The following RYR2 variants were observed in gnomAD, a reference collection of about 807,000 sequenced individuals.
RYR2 encodes the protein ryanodine receptor 2, also known as cardiac muscle ryanodine receptor-calcium release channel.
RYR2 carries 227 observed loss-of-function variants against 601.1 expected under a neutral mutation model. The observed-to-expected ratio is 0.38, with a 90% CI of 0.34 to 0.42. RYR2 has a LOEUF of 0.42. Among genes scored for constraint, RYR2 ranks in the 10% least tolerant of loss-of-function variants. The probability of loss-of-function intolerance (pLI) is 1.00; values close to 1 mark genes in which losing one functional copy is unlikely to be tolerated. For synonymous variants in RYR2, 2,223 were observed against 2,175.1 expected, an observed-to-expected ratio of 1.02 and a Z score of -0.61; for missense variants, 4,646 against 6,156.5, an observed-to-expected ratio of 0.75 and a Z score of 8.21.
intron 79 of RYR2, among the ~76,000 whole-genome samples, chr1:237,737,965 T>A (rs1385972439): frequency 1.3e-5 from 2 of 152,226 alleles, no homozygotes; most frequent in African/African-American, 2.4e-5. Flanking sequence ...TTGTTGATTA[T>A]TAATATCGAA....
In RYR2 at chr1:237,726,429, TATAA is replaced by T. The variant is rs987551180; in HGVS notation, c.10725+126_10725+129del. ...TTAGAGTTCCAAACACTATTAGTTA[TATAA>T]ATAACTTGCTTGCATCATTTATTGC... is the stretch of plus-strand genomic sequence containing the variant. On this transcript the variant is annotated intron_variant, in intron 75 of 104. Transcript: ENST00000366574. 7 of 663,512 alleles carry T rather than the reference TATAA, an allele frequency of 1.1e-5. No homozygotes were observed. In the African/African-American group the frequency reaches 1.3e-4, roughly 12 times the overall value. The allele number at this position is 663,512 out of a possible 1,614,324, so 41.1% of individuals were successfully genotyped here. A position where few individuals can be genotyped will look rare whatever the true frequency, so the allele number is the denominator to read the frequency against.
chr1:237,111,169 A>G (rs1026453361), intron 1 of RYR2, among the ~76,000 whole-genome samples: 2 of 152,232 alleles, frequency 1.3e-5, no homozygotes, highest in Non-Finnish European at 2.9e-5. Context: ...AAAGGGAAAC[A>G]TTTTTGGTTC....
intron 100 of RYR2, among the ~76,000 whole-genome samples, chr1:237,811,394 T>A (rs1391952740): frequency 6.6e-6 from 1 of 152,214 alleles, no homozygotes. Context: ...TCATAAATGA[T>A]CATTAATATA....
intron 25 of RYR2, among the ~76,000 whole-genome samples, chr1:237,546,822 T>A (rs1669855637): frequency 6.6e-6 from 1 of 151,778 alleles, no homozygotes; most frequent in Non-Finnish European, 1.5e-5. Flanking sequence ...ACTGAATGCC[T>A]ACCATGTATT....
intron 1 of RYR2, among the ~76,000 whole-genome samples, chr1:237,125,291 T>C (rs769509482): frequency 1.3e-5 from 2 of 151,878 alleles, no homozygotes; most frequent in Non-Finnish European, 2.9e-5. Context: ...TTATAGGGAG[T>C]CCTTTGGCAG....
At chr1:237,603,870 A>C (rs1676794702) in intron 35 of RYR2, among the ~76,000 whole-genome samples, 1 of 152,242 alleles carries the variant, frequency 6.6e-6, no homozygotes, top group Non-Finnish European at 1.5e-5. Flanking sequence ...AAGAAAAGCT[A>C]ACTATCCTAA....
intron 29 of RYR2, among the ~76,000 whole-genome samples, chr1:237,580,161 T>C (rs1673741936): frequency 6.9e-6 from 1 of 144,528 alleles, no homozygotes; most frequent in Non-Finnish European, 1.5e-5. Context: ...AATTCTTTTT[T>C]TTTTTTTTTT....
At chr1:237,515,837 T>TCTCTTCCTCCCTCTC (rs1666444377) in intron 24 of RYR2, among the ~76,000 whole-genome samples, 1 of 130,786 alleles carries the variant, frequency 7.6e-6, no homozygotes, top group Non-Finnish European at 1.7e-5. Flanking sequence ...TCCTCCCTCT[T>TCTCTTCCTCCCTCTC]CTCCTCCTCC....
chr1:237,717,796 G>A (rs529754032), intron 72 of RYR2, among the ~76,000 whole-genome samples: 295 of 152,286 alleles, frequency 1.9e-3, no homozygotes, highest in Middle Eastern at 0.014. Context: ...CAAGATTTAA[G>A]TTCCTCTGCA....
chr1:237,403,667 C>A (rs555011155), intron 10 of RYR2, among the ~76,000 whole-genome samples: 7 of 152,146 alleles, frequency 4.6e-5, no homozygotes, highest in South Asian at 2.1e-4. Flanking sequence ...CTTAACCAGT[C>A]CCCCCTCCTT....
intron 1 of RYR2, among the ~76,000 whole-genome samples, chr1:237,149,100 G>C: frequency 6.6e-6 from 1 of 152,116 alleles, no homozygotes; most frequent in East Asian, 1.9e-4. Context: ...AATGTATTGG[G>C]AGATAATTAT....
chr1:237,488,795 C>T (rs535105056), intron 17 of RYR2, among the ~76,000 whole-genome samples: 21 of 152,270 alleles, frequency 1.4e-4, no homozygotes, highest in Non-Finnish European at 2.5e-4. Context: ...CACCATCCTT[C>T]GCTGACTCCT....
chr1:237,394,871 A>G (rs1442796033), intron 10 of RYR2, among the ~76,000 whole-genome samples: 1 of 152,184 alleles, frequency 6.6e-6, no homozygotes, highest in Non-Finnish European at 1.5e-5. Flanking sequence ...TGCAGGCTCT[A>G]TAGGCTGGGG....
chr1:237,398,344 T>G (rs1430414409), intron 10 of RYR2, among the ~76,000 whole-genome samples: 1 of 152,140 alleles, frequency 6.6e-6, no homozygotes, highest in African/African-American at 2.4e-5. Context: ...AGCTACAGAC[T>G]GAGAGAAAAG....
At chr1:237,802,099 C>A in intron 98 of RYR2, 183 bp downstream of exon 98, 1 of 397,266 alleles carries the variant, frequency 2.5e-6, no homozygotes, top group East Asian at 3.6e-5. Flanking sequence ...CATTCCATTT[C>A]TTTCAATAGC....
chr1:237,333,505 C>G (rs566730284), intron 3 of RYR2: 6 of 433,312 alleles, frequency 1.4e-5, no homozygotes, highest in South Asian at 8.3e-5. Flanking sequence ...CTGGAGGACC[C>G]CTGGGGTGGT....
In RYR2 at chr1:237,660,938, G is replaced by A. The variant is rs1683726861; in HGVS notation, c.8427G>A (p.Gln2809=). Residue 2809 remains glutamine (Q), a synonymous_variant, in exon 56 of 105, where the codon CAG becomes CAA. Coordinates refer to ENST00000366574, the MANE Select transcript of RYR2 (RefSeq NM_001035.3). ...ACAACCGGACTCGTCGTATTTCTCA[G>A]ACAAGCCAGGTAAGAATTCATCACG... ...ALYNRTRRIS[Q]TSQVSVDAAH... is the part of the protein sequence containing the mutation. The A allele has an allele frequency of 1.4e-6, 2 of 1,425,194 alleles. No homozygotes were observed. The highest frequency in any genetic ancestry group is 1.8e-6 in the Non-Finnish European group (2 of 1,081,778). The allele number at this position is 1,425,194 out of a possible 1,614,324, so 88.3% of individuals were successfully genotyped here.
At chr1:237,501,353 T>TG (rs1664619030) in intron 21 of RYR2, among the ~76,000 whole-genome samples, 1 of 152,164 alleles carries the variant, frequency 6.6e-6, no homozygotes. Context: ...GAGGCCCAGA[T>TG]GGCTTTCTTC....
At chr1:237,256,139 G>T (rs1346583502) in intron 1 of RYR2, among the ~76,000 whole-genome samples, 1 of 152,114 alleles carries the variant, frequency 6.6e-6, no homozygotes, top group Non-Finnish European at 1.5e-5. Context: ...TACTGTTATG[G>T]TGGTAGTGAA....
Sources: allele counts gnomAD v4.1 joint callset (sites outside exome capture counted in the v4.1 genomes callset), GRCh38; gene constraint gnomAD v4.1.1; transcripts MANE v1.5; gene names NCBI Gene and HGNC (gene_info 2026-07-23, HGNC 2026-07-21).